FAM20A: variants seen among roughly 807,000 people sequenced by gnomAD.
The protein encoded by FAM20A is pseudokinase FAM20A.
A neutral mutation model predicts 52.0 loss-of-function variants in FAM20A; 42 were observed. The ratio of observed to expected loss-of-function variants is 0.81; its 90% CI spans 0.63 to 1.04. The LOEUF (loss-of-function observed/expected upper bound fraction) is 1.04, where lower values mean the gene tolerates loss of function less well. FAM20A is among the 50% of genes least tolerant of loss of function. FAM20A has a pLI of 0.00. For synonymous variants in FAM20A, 304 were observed against 298.9 expected, an observed-to-expected ratio of 1.02 and a Z score of -0.18; for missense variants, 742 against 712.7, an observed-to-expected ratio of 1.04 and a Z score of -0.47.
At chr17:68,575,483 T>TTATATATAATATATTTTATA (rs2143821681) in intron 1 of FAM20A, among the ~76,000 whole-genome samples, 1 of 117,102 alleles carries the variant, frequency 8.5e-6, no homozygotes, top group East Asian at 2.2e-4. Context: ...ATTTTATATA[T>TTATATATAATATATTTTATA]TATATATTAT....
Position 68,536,999 on chromosome 17 carries a change from T to C in FAM20A, c.*478A>G, listed in dbSNP as rs774195501. 2.2e-6 allele frequency: 1 copy of C among 454,748 alleles called. No homozygotes were observed. The highest frequency in any genetic ancestry group is 6.9e-5 in the East Asian group (1 of 14,430). The allele number at this position is 454,748 out of a possible 1,614,324, so 28.2% of individuals were successfully genotyped here. On this transcript the variant is annotated 3_prime_UTR_variant, in exon 11 of 11. Coordinates refer to ENST00000592554, the MANE Select transcript of FAM20A (RefSeq NM_017565.4). ...AGGTCTAATTTGAACCTGTCAGAGT[T>C]ACTGTTGCCTGCGCTGGCCCAAAGT...
chr17:68,554,738 G>A (rs372081167), intron 3 of FAM20A, 39 bp downstream of exon 3: 10 of 1,606,148 alleles, frequency 6.2e-6, no homozygotes, highest in Non-Finnish European at 8.5e-6. Context: ...CAGCTGTGAG[G>A]GTGAAGAGGC....
chr17:68,542,827 C>T lies in FAM20A; in HGVS notation c.813-18G>A. ...CCAGAATCCTGCAAGAGAGGAAGCTCTGTTCCATCTGAGGGATGATCAGGG... is the reference window on the plus strand; with the variant it reads ...CCAGAATCCTGCAAGAGAGGAAGCTTTGTTCCATCTGAGGGATGATCAGGG... On this transcript the variant is annotated intron_variant, in intron 5 of 10. Coordinates refer to ENST00000592554, the MANE Select transcript of FAM20A (RefSeq NM_017565.4). The T allele has an allele frequency of 3.8e-6, 6 of 1,576,812 alleles. No homozygotes were observed. Among genetic ancestry groups the T allele is most frequent in the Non-Finnish European group, 4.4e-6 (5 of 1,146,164 alleles).
rs759516103 is a variant in FAM20A, at chr17:68,555,677, G to T, written c.471C>A (p.Leu157=). 1 of 1,613,874 alleles carries T rather than the reference G, an allele frequency of 6.2e-7. No individual in the cohort carries two copies. Among genetic ancestry groups the T allele is most frequent in the African/African-American group, 1.3e-5 (1 of 75,016 alleles). ...GGTGGAACTGGACCCAGCTGGCCTC[G>T]AGTCGGAGCTGCAGTGGGGGGTCCA... ...TSLDPPLQLR[L]EASWVQFHLG... The change falls in exon 2 of 11, where the codon CTC becomes CTA. Residue 157 remains leucine, a synonymous_variant. Transcript: ENST00000592554.
intron 7 of FAM20A, 82 bp from the exon 8 acceptor site, chr17:68,541,040 C>T (rs1376046624): frequency 6.5e-6 from 10 of 1,543,348 alleles, no homozygotes; most frequent in Middle Eastern, 2.3e-4. Flanking sequence ...CCCCTGCCCC[C>T]CCAATCCCTG....
At chr17:68,589,970 C>T (rs1160980268) in intron 1 of FAM20A, among the ~76,000 whole-genome samples, 3 of 152,136 alleles carry the variant, frequency 2.0e-5, no homozygotes, top group African/African-American at 7.2e-5. Context: ...CAGCAGGAAA[C>T]AGCTTTTAAC....
Position 68,555,658 on chromosome 17 carries a change from A to ACTGGAC in FAM20A, c.484_489dup (p.Val162_Gln163dup). 1 of 1,613,810 alleles carries ACTGGAC rather than the reference A, an allele frequency of 6.2e-7. No individual in the cohort carries two copies. The highest frequency in any genetic ancestry group is 8.5e-7 in the Non-Finnish European group (1 of 1,180,022). ...CCATGGCGGTTAATACCCAGGTGGA[A>ACTGGAC]CTGGACCCAGCTGGCCTCGAGTCGG... On this transcript the variant is annotated inframe_insertion, in exon 2 of 11. Transcript: ENST00000592554.
chr17:68,575,135 G>A (rs961499010), intron 1 of FAM20A: 8 of 151,796 alleles, frequency 5.3e-5, no homozygotes, highest in Non-Finnish European at 1.0e-4. Context: ...CCTCAGGAGG[G>A]GACACAGCCT....
At chr17:68,547,013 T>C (rs2086603521) in intron 4 of FAM20A, among the ~76,000 whole-genome samples, 1 of 149,808 alleles carries the variant, frequency 6.7e-6, no homozygotes, top group Admixed American at 6.6e-5. Context: ...AAGGAATCTT[T>C]TTTTTTTTCT....
Position 68,542,741 on chromosome 17 carries a change from T to G in FAM20A, c.881A>C (p.Glu294Ala). Residue 294 changes from glutamate to alanine, a missense_variant, in exon 6 of 11, where the codon GAG becomes GCG. Glu to Ala is a moderately radical substitution (Grantham distance 107). Transcript: ENST00000592554. ...RIVNVTKEIL[E>A]VTKNEILQSV... is the part of the protein sequence containing the mutation. ...CTGCAGGATTTCATTCTTGGTGACC[T>G]CTAGGATTTCCTTGGTGACATTTAC... 6.2e-7 allele frequency: 1 copy of G among 1,614,112 alleles called. No homozygotes were observed. The highest frequency in any genetic ancestry group is 8.5e-7 in the Non-Finnish European group (1 of 1,179,992).
intron 8 of FAM20A, among the ~76,000 whole-genome samples, chr17:68,540,323 G>A (rs560566226): frequency 1.3e-5 from 2 of 152,276 alleles, no homozygotes; most frequent in South Asian, 2.1e-4. Flanking sequence ...GCTGATCCTG[G>A]TTATAGTAAA....
intron 4 of FAM20A, among the ~76,000 whole-genome samples, chr17:68,550,008 C>A (rs1198327871): frequency 6.6e-6 from 1 of 152,206 alleles, no homozygotes; most frequent in African/African-American, 2.4e-5. Flanking sequence ...GGGACAGATA[C>A]ATTAACCTGG....
chr17:68,548,335 G>A (rs1600551423), intron 4 of FAM20A, among the ~76,000 whole-genome samples: 1 of 152,176 alleles, frequency 6.6e-6, no homozygotes, highest in Admixed American at 6.5e-5. Flanking sequence ...TTCGAGACCA[G>A]CCTGGCCAAC....
In FAM20A at chr17:68,540,811, A is replaced by C. The variant is rs1222937052; in HGVS notation, c.1219+38T>G. The C allele has an allele frequency of 2.6e-6, 4 of 1,565,788 alleles. No homozygotes were observed. The South Asian group carries it at 4.7e-5, about 18-fold the overall frequency. ...ACGGGGAACCCTAGCCACATAGCAG[A>C]GCCCACTTCTGCTGGGGGCCTGCGT... On this transcript the variant is annotated intron_variant, in intron 8 of 10. Transcript: ENST00000592554.
chr17:68,545,673 G>A (rs1192775243), intron 4 of FAM20A, among the ~76,000 whole-genome samples: 2 of 152,180 alleles, frequency 1.3e-5, no homozygotes, highest in Non-Finnish European at 2.9e-5. Flanking sequence ...TCTGTAGCAC[G>A]CAATGCTGTT....
chr17:68,590,676 A>T (rs1403896925), intron 1 of FAM20A, among the ~76,000 whole-genome samples: 3 of 152,364 alleles, frequency 2.0e-5, no homozygotes, highest in Non-Finnish European at 2.9e-5. Context: ...TTAGAGCAGC[A>T]GCCATAGGAG....
intron 1 of FAM20A, among the ~76,000 whole-genome samples, chr17:68,574,713 C>T (rs747732672): frequency 2.6e-5 from 4 of 152,148 alleles, no homozygotes; most frequent in Non-Finnish European, 5.9e-5. Flanking sequence ...CTGAGTTCTG[C>T]TTACCAAGGT....
intron 1 of FAM20A, among the ~76,000 whole-genome samples, chr17:68,558,970 G>A (rs536194501): frequency 2.0e-5 from 3 of 152,078 alleles, no homozygotes; most frequent in Non-Finnish European, 4.4e-5. Context: ...CTTGGCCAGG[G>A]TGGTCTTGAA....
chr17:68,569,720 AG>A (rs1185372734), intron 1 of FAM20A, among the ~76,000 whole-genome samples: 8 of 152,192 alleles, frequency 5.3e-5, no homozygotes, highest in African/African-American at 1.9e-4. Flanking sequence ...TCAGTGGTCT[AG>A]GTTCATGTTC....
Sources: gnomAD v4.1 joint callset for allele counts (sites outside exome capture counted in the v4.1 genomes callset) on GRCh38, gnomAD v4.1.1 for gene constraint, MANE v1.5 for transcripts, NCBI Gene and HGNC (gene_info 2026-07-23, HGNC 2026-07-21) for gene names.